The following CFAP54 variants were observed in gnomAD, a reference collection of about 807,000 sequenced individuals.
CFAP54 encodes cilia and flagella associated protein 54.
A neutral mutation model predicts 370.4 loss-of-function variants in CFAP54; 290 were observed. The observed-to-expected ratio is 0.78, with a 90% CI of 0.71 to 0.86. The LOEUF (loss-of-function observed/expected upper bound fraction) is 0.86, where lower values mean the gene tolerates loss of function less well. CFAP54 is among the 40% of genes least tolerant of loss of function. CFAP54 has a pLI of 0.00. For missense variants in CFAP54, 3,399 were observed against 3,528.7 expected (o/e 0.96, Z 0.93); for synonymous variants, 1,206 against 1,236.5 (o/e 0.98, Z 0.52).
intron 63 of CFAP54, among the ~76,000 whole-genome samples, chr12:96,795,043 C>T (rs1958746202): frequency 6.6e-6 from 1 of 152,184 alleles, no homozygotes. Flanking sequence ...AGCTACCGGG[C>T]TCTGGGCTGG....
At chr12:96,520,470 C>T (rs916841525) in intron 6 of CFAP54, among the ~76,000 whole-genome samples, 3 of 152,060 alleles carry the variant, frequency 2.0e-5, no homozygotes, top group African/African-American at 7.2e-5. Flanking sequence ...TGAGATCGCA[C>T]CGTTGCACTC....
At chr12:96,802,078 G>A (rs145725013) in intron 63 of CFAP54, among the ~76,000 whole-genome samples, 60 of 152,152 alleles carry the variant, frequency 3.9e-4, no homozygotes, top group Non-Finnish European at 7.4e-4. Flanking sequence ...AGAGTTTAAC[G>A]CTGGGCTGTG....
intron 50 of CFAP54, among the ~76,000 whole-genome samples, chr12:96,736,323 A>G (rs945170554): frequency 6.6e-6 from 1 of 152,070 alleles, no homozygotes; most frequent in Non-Finnish European, 1.5e-5. Context: ...AATGCCCCAA[A>G]TTTACCAGAG....
At chr12:96,585,590 G>A (rs1956069732) in intron 22 of CFAP54, among the ~76,000 whole-genome samples, 1 of 152,188 alleles carries the variant, frequency 6.6e-6, no homozygotes, top group Admixed American at 6.5e-5. Context: ...CCAAGGTGCT[G>A]GGATTACAGG....
Position 96,821,114 on chromosome 12 carries a change from C to T in CFAP54, c.9096+3201C>T, listed in dbSNP as rs80031742. ...TTCCTGGAGCTCATTTTCCTCTGAA[C>T]TCCATAATGATCTTTTCATTCAAAT... On this transcript the variant is annotated intron_variant, in intron 65 of 67. Transcript: ENST00000524981. Among the ~76,000 whole-genome samples, 742 of 152,218 alleles carry T rather than the reference C, an allele frequency of 4.9e-3. 4 individuals are homozygous for T. The highest frequency in any genetic ancestry group is 0.017 in the African/African-American group (700 of 41,540).
chr12:96,526,352 TAAAC>T (rs987715665), intron 8 of CFAP54, among the ~76,000 whole-genome samples: 34 of 152,256 alleles, frequency 2.2e-4, no homozygotes, highest in Admixed American at 1.3e-3. Context: ...CAGCAGGTTC[TAAAC>T]AGTCACTAGC....
chr12:96,519,247 C>A (rs1056046425), intron 6 of CFAP54, among the ~76,000 whole-genome samples, 176 bp downstream of exon 6: 1 of 151,922 alleles, frequency 6.6e-6, no homozygotes, highest in Non-Finnish European at 1.5e-5. Flanking sequence ...TACAGGCATG[C>A]GCCACCATGC....
At chr12:96,499,256 G>C (rs546517030) in intron 1 of CFAP54, among the ~76,000 whole-genome samples, 1 of 152,248 alleles carries the variant, frequency 6.6e-6, no homozygotes, top group African/African-American at 2.4e-5. Context: ...GGGATTACAG[G>C]CATGAGCCAC....
At chr12:96,849,448 G>A (rs1029699675) in intron 66 of CFAP54, among the ~76,000 whole-genome samples, 5 of 152,288 alleles carry the variant, frequency 3.3e-5, no homozygotes, top group Non-Finnish European at 2.9e-5. Flanking sequence ...TGATGAAAAC[G>A]TAACTGACAG....
Position 96,512,976 on chromosome 12 carries a change from C to T in CFAP54, c.740-10C>T. On this transcript the variant is annotated splice_polypyrimidine_tract_variant and intron_variant, in intron 4 of 67. Coordinates refer to ENST00000524981, the MANE Select transcript of CFAP54 (RefSeq NM_001306084.2). The stretch of plus-strand genomic sequence containing the variant: ...TGTAAAACATGTTAACAATCGTTTT[C>T]TCCATCCAGGTACCATTTATATTTA... 1 of 1,499,896 alleles carries T rather than the reference C, an allele frequency of 6.7e-7. No homozygotes were observed. The highest frequency in any genetic ancestry group is 8.9e-7 in the Non-Finnish European group (1 of 1,124,420). The allele number at this position is 1,499,896 out of a possible 1,614,324, so 92.9% of individuals were successfully genotyped here.
chr12:96,548,900 G>A (rs188205412), intron 15 of CFAP54, among the ~76,000 whole-genome samples: 58 of 151,622 alleles, frequency 3.8e-4, no homozygotes, highest in Non-Finnish European at 7.4e-4. Context: ...TGTTGCCCAG[G>A]CTGGAGTGCA....
At chr12:96,493,870 T>A (rs1338587255) in intron 1 of CFAP54, among the ~76,000 whole-genome samples, 1 of 151,966 alleles carries the variant, frequency 6.6e-6, no homozygotes. Context: ...TCTATTCCCA[T>A]TAGAAATTAA....
In CFAP54 at chr12:96,875,123, A is replaced by G. The variant is rs1354404420; in HGVS notation, c.*20A>G. 2 of 152,192 alleles carry G rather than the reference A, an allele frequency of 1.3e-5. No homozygotes were observed. Among genetic ancestry groups the G allele is most frequent in the Non-Finnish European group, 2.9e-5 (2 of 68,046 alleles). 9.4% of individuals were successfully genotyped at this position (152,192 alleles called of 1,614,324 possible). On this transcript the variant is annotated 3_prime_UTR_variant, in exon 68 of 68. Transcript: ENST00000524981. The stretch of plus-strand genomic sequence containing the variant: ...ACTCTTTTTTCCTCCTCTAGGGATG[A>G]TAAAACTGAGAAATAAATCAAGAGT...
chr12:96,729,620 C>T (rs1176004551), intron 50 of CFAP54, among the ~76,000 whole-genome samples: 2 of 152,214 alleles, frequency 1.3e-5, no homozygotes, highest in African/African-American at 4.8e-5. Context: ...AAAGGGAACT[C>T]CCTGACCCCT....
At chr12:96,781,675 A>G (rs1207016079) in intron 60 of CFAP54, among the ~76,000 whole-genome samples, 1 of 152,112 alleles carries the variant, frequency 6.6e-6, no homozygotes, top group Non-Finnish European at 1.5e-5. Context: ...ATTTAGAGGA[A>G]CCAGAAAGAG....
chr12:96,700,571 T>G (rs1192440316), intron 46 of CFAP54, among the ~76,000 whole-genome samples: 1 of 152,230 alleles, frequency 6.6e-6, no homozygotes, highest in East Asian at 1.9e-4. Flanking sequence ...CTCCATATTG[T>G]CTAACCTTTT....
At chr12:96,786,634 T>C in intron 61 of CFAP54, 41 bp from the exon 62 acceptor site, 1 of 1,385,184 alleles carries the variant, frequency 7.2e-7, no homozygotes, top group South Asian at 1.3e-5. Flanking sequence ...TCATCCCGTT[T>C]TCTAATATGA....
chr12:96,609,743 G>T (rs1956335198), intron 26 of CFAP54, among the ~76,000 whole-genome samples: 1 of 152,112 alleles, frequency 6.6e-6, no homozygotes. Context: ...CTTACAAAAT[G>T]ATAGGTTTTT....
intron 55 of CFAP54, among the ~76,000 whole-genome samples, chr12:96,750,835 A>G (rs1007268188): frequency 3.3e-5 from 5 of 152,236 alleles, no homozygotes; most frequent in African/African-American, 9.6e-5. Flanking sequence ...CTTAAAAAAC[A>G]AAACCCAAAG....
Sources: allele counts gnomAD v4.1 joint callset (sites outside exome capture counted in the v4.1 genomes callset), GRCh38; gene constraint gnomAD v4.1.1; transcripts MANE v1.5; gene names NCBI Gene and HGNC (gene_info 2026-07-23, HGNC 2026-07-21).